IGSF10: variants seen among roughly 807,000 people sequenced by gnomAD.
IGSF10 encodes the protein calvaria mechanical force protein 608.
Under a neutral mutation model 128.2 loss-of-function variants are expected in IGSF10, and 126 were observed. The ratio of observed to expected loss-of-function variants is 0.98; its 90% CI spans 0.85 to 1.14. The LOEUF is 1.14. Among genes scored for constraint, IGSF10 ranks in the 50% most tolerant of loss-of-function variants. The pLI, the probability that IGSF10 is intolerant of heterozygous loss-of-function variation, is 0.00. For synonymous variants in IGSF10, 1,185 were observed against 1,146.2 expected (o/e 1.03, Z -0.68); for missense variants, 3,295 against 3,149.8 (o/e 1.05, Z -1.10).
At chr3:151,514,146 A>G in the IGSF10 span, among the ~76,000 whole-genome samples, 2 of 152,152 alleles carry the variant, frequency 1.3e-5, no homozygotes, top group Non-Finnish European at 2.9e-5. Flanking sequence ...GGAACCAAAA[A>G]AGAGCCCGCA....
At chr3:151,567,639 C>A in the IGSF10 span, among the ~76,000 whole-genome samples, 1 of 152,078 alleles carries the variant, frequency 6.6e-6, no homozygotes, top group South Asian at 2.1e-4. Context: ...TAACTAGCCC[C>A]CTACCTCTGT....
At chr3:151,537,905 G>A in the IGSF10 span, among the ~76,000 whole-genome samples, 139 of 152,150 alleles carry the variant, frequency 9.1e-4, 2 homozygotes, top group South Asian at 1.0e-3. Context: ...ATAGACATAC[G>A]TTCTTTCTGT....
chr3:151,521,406 C>T, the IGSF10 span, among the ~76,000 whole-genome samples: 8 of 151,850 alleles, frequency 5.3e-5, no homozygotes, highest in Non-Finnish European at 1.0e-4. Context: ...AACAGACTAT[C>T]ATGCTTCTCA....
the IGSF10 span, among the ~76,000 whole-genome samples, chr3:151,491,720 C>T: frequency 2.0e-5 from 3 of 152,132 alleles, no homozygotes; most frequent in African/African-American, 7.2e-5. Flanking sequence ...TTCTACCAAA[C>T]ATTCAAAGAA....
the IGSF10 span, among the ~76,000 whole-genome samples, chr3:151,548,242 A>G: frequency 6.6e-6 from 1 of 152,150 alleles, no homozygotes; most frequent in African/African-American, 2.4e-5. Context: ...CTCTAAGGAA[A>G]CCCATGGCAA....
At chr3:151,565,944 G>A in the IGSF10 span, 6 of 152,054 alleles carry the variant, frequency 3.9e-5, no homozygotes, top group East Asian at 1.0e-3. Context: ...GAAATCAGCT[G>A]AGGAAAGGTT....
At chr3:151,583,018 A>T in the IGSF10 span, among the ~76,000 whole-genome samples, 3,654 of 152,182 alleles carry the variant, frequency 0.024, 140 homozygotes, top group African/African-American at 0.083. Context: ...GCATGTTATC[A>T]GTTTTTCTTG....
the IGSF10 span, among the ~76,000 whole-genome samples, chr3:151,479,548 G>A: frequency 3.3e-5 from 5 of 152,058 alleles, no homozygotes; most frequent in African/African-American, 1.2e-4. Context: ...AAATAATAAA[G>A]CATAAGAAAT....
chr3:151,499,379 A>C, the IGSF10 span, among the ~76,000 whole-genome samples: 1 of 152,130 alleles, frequency 6.6e-6, no homozygotes, highest in African/African-American at 2.4e-5. Context: ...TTCTGCAATA[A>C]AAAACACGTG....
At chr3:151,589,136 A>G in the IGSF10 span, among the ~76,000 whole-genome samples, 4 of 152,306 alleles carry the variant, frequency 2.6e-5, no homozygotes. Context: ...AATTTTCTTC[A>G]GTAAAATTTT....
chr3:151,600,986 A>T, the IGSF10 span, among the ~76,000 whole-genome samples: 1 of 151,906 alleles, frequency 6.6e-6, no homozygotes, highest in South Asian at 2.1e-4. Context: ...TGAAAGTATT[A>T]TGTCAAGGAA....
the IGSF10 span, among the ~76,000 whole-genome samples, chr3:151,547,975 G>T: frequency 2.6e-5 from 4 of 152,078 alleles, no homozygotes; most frequent in African/African-American, 9.7e-5. Flanking sequence ...TCCAAAAATG[G>T]TTGCAAAATA....
chr3:151,498,553 A>C, the IGSF10 span, among the ~76,000 whole-genome samples: 1 of 152,164 alleles, frequency 6.6e-6, no homozygotes, highest in African/African-American at 2.4e-5. Context: ...AGAACCAATG[A>C]CAAAAACCAC....
chr3:151,438,482 T>C lies in IGSF10; in HGVS notation c.6079A>G (p.Ile2027Val), dbSNP rs1206952211. Residue 2027 changes from isoleucine (I) to valine (V), a missense_variant, in exon 8 of 8, where the codon ATA becomes GTA. Ile to Val is a conservative substitution (Grantham distance 29). Coordinates refer to ENST00000282466, the MANE Select transcript of IGSF10 (RefSeq NM_178822.5). ...AGTCTTAGGCTAACATGCATCAGTA[T>C]CAGATCATCCCCCATTTTGTTTCTT... Reference protein sequence around the residue: ...VARNKMGDDLILMHVSLRLKP... With the variant: ...VARNKMGDDLVLMHVSLRLKP... 6.2e-7 allele frequency: 1 copy of C among 1,614,146 alleles called. No homozygotes were observed. Among genetic ancestry groups the C allele is most frequent in the Non-Finnish European group, 8.5e-7 (1 of 1,180,014 alleles).
At chr3:151,545,055 G>C in the IGSF10 span, among the ~76,000 whole-genome samples, 2 of 151,790 alleles carry the variant, frequency 1.3e-5, no homozygotes, top group Admixed American at 1.3e-4. Flanking sequence ...TTCTTACTTG[G>C]ATCCTTCTTA....
chr3:151,501,365 G>A, the IGSF10 span, among the ~76,000 whole-genome samples: 1 of 151,842 alleles, frequency 6.6e-6, no homozygotes, highest in Non-Finnish European at 1.5e-5. Context: ...TTTTTTATAT[G>A]TAAAATAGGG....
At chr3:151,605,554 G>A in the IGSF10 span, among the ~76,000 whole-genome samples, 1 of 152,036 alleles carries the variant, frequency 6.6e-6, no homozygotes, top group Non-Finnish European at 1.5e-5. Flanking sequence ...ATTCTAGTGC[G>A]ATTAATTTAA....
At chr3:151,486,919 G>C in the IGSF10 span, among the ~76,000 whole-genome samples, 7 of 151,996 alleles carry the variant, frequency 4.6e-5, no homozygotes, top group Admixed American at 4.6e-4. Flanking sequence ...ATCATAATTA[G>C]AAGTACTAGA....
downstream of IGSF10, chr3:151,433,692 CT>C (rs1353207159): frequency 2.0e-5 from 3 of 152,650 alleles, no homozygotes; most frequent in African/African-American, 7.2e-5. Flanking sequence ...CAGTAGCTGG[CT>C]TGAGATTCCA....
Sources: allele counts gnomAD v4.1 joint callset (sites outside exome capture counted in the v4.1 genomes callset), GRCh38; gene constraint gnomAD v4.1.1; transcripts MANE v1.5; gene names NCBI Gene and HGNC (gene_info 2026-07-23, HGNC 2026-07-21).